Variants in SH3D21 observed in about 807,000 individuals in gnomAD.
SH3D21 encodes manchette microtubule inner protein 1.
A neutral mutation model predicts 82.1 loss-of-function variants in SH3D21; 83 were observed. The ratio of observed to expected loss-of-function variants is 1.01; its 90% confidence interval spans 0.85 to 1.21. SH3D21 has a LOEUF of 1.21. Among genes scored for constraint, SH3D21 ranks in the 50% most tolerant of loss-of-function variants. The pLI, the probability that SH3D21 is intolerant of heterozygous loss-of-function variation, is 0.00. For missense variants in SH3D21, 980 were observed against 962.1 expected, an observed-to-expected ratio of 1.02 and a Z score of -0.25; for synonymous variants, 383 against 387.8, an observed-to-expected ratio of 0.99 and a Z score of 0.15.
intron 10 of SH3D21, among the ~76,000 whole-genome samples, chr1:36,315,695 G>A (rs1307385224): frequency 6.6e-6 from 1 of 152,064 alleles, no homozygotes; most frequent in Non-Finnish European, 1.5e-5. Context: ...GTGAAGAGAG[G>A]ATTTGTCCAC....
downstream of SH3D21, chr1:36,321,939 A>C: frequency 9.0e-7 from 1 of 1,114,114 alleles, no homozygotes; most frequent in Admixed American, 4.7e-5. This position sits in a 1 kb window ranked among gnomAD's most constrained non-coding sequence, Gnocchi z 6.1. Context: ...AGCTAGGGTA[A>C]GGGAGTCAAG....
intron 9 of SH3D21, 84 bp from the exon 10 acceptor site, chr1:36,309,464 G>C: frequency 6.7e-7 from 1 of 1,484,588 alleles, no homozygotes; most frequent in Non-Finnish European, 9.2e-7. Context: ...GGGATTATAG[G>C]TGTGAGCCAC....
downstream of SH3D21, chr1:36,323,644 A>G (rs1224707488): frequency 2.0e-5 from 3 of 151,548 alleles, no homozygotes; most frequent in Non-Finnish European, 4.4e-5. Flanking sequence ...CCGAGGAAAG[A>G]GGAGGGACGG....
At chr1:36,315,702 C>T (rs1225383650) in intron 10 of SH3D21, among the ~76,000 whole-genome samples, 1 of 152,110 alleles carries the variant, frequency 6.6e-6, no homozygotes, top group African/African-American at 2.4e-5. Context: ...GAGGATTTGT[C>T]CACCACCTCA....
At chr1:36,313,028 T>C (rs542780081) in intron 10 of SH3D21, among the ~76,000 whole-genome samples, 4 of 151,974 alleles carry the variant, frequency 2.6e-5, no homozygotes, top group East Asian at 1.9e-4. Flanking sequence ...GTGGATCTTA[T>C]ATAAGATGGG....
At chr1:36,318,443 T>G (rs1408978125) in intron 10 of SH3D21, among the ~76,000 whole-genome samples, 2 of 152,066 alleles carry the variant, frequency 1.3e-5, no homozygotes, top group Non-Finnish European at 2.9e-5. Context: ...CTGGGTGAGA[T>G]CTCTTAGAGA....
chr1:36,311,239 GT>G (rs1646234357), intron 10 of SH3D21, among the ~76,000 whole-genome samples: 1 of 150,110 alleles, frequency 6.7e-6, no homozygotes, highest in Non-Finnish European at 1.5e-5. Flanking sequence ...GTTATTGTTT[GT>G]TTGTTTGTTT....
chr1:36,320,553 GAAAGAGGAATTGCCCCCT>G lies in SH3D21; in HGVS notation c.1900_1917del (p.Leu634_Glu639del). Reference sequence around the variant, plus strand: ...TGGCTTCCAAAGAGGAGGTGACCCTGAAAGAGGAATTGCCCCCTAAAGAGGAAGTGGCTCCAAAAGAGG... The same window carrying G: ...TGGCTTCCAAAGAGGAGGTGACCCTGAAAGAGGAAGTGGCTCCAAAAGAGG... On this transcript the variant is annotated inframe_deletion, in exon 14 of 16. Coordinates refer to ENST00000453908, the MANE Select transcript of SH3D21 (RefSeq NM_001162530.2). 2 of 1,614,122 alleles carry G rather than the reference GAAAGAGGAATTGCCCCCT, an allele frequency of 1.2e-6. No individual in the cohort carries two copies. Among genetic ancestry groups the G allele is most frequent in the Non-Finnish European group, 1.7e-6 (2 of 1,180,014 alleles).
In SH3D21 at chr1:36,321,092, C is replaced by T; in HGVS notation, c.2236C>T (p.Pro746Ser). 1 of 1,612,360 alleles carries T rather than the reference C, an allele frequency of 6.2e-7. No individual in the cohort carries two copies. Among genetic ancestry groups the T allele is most frequent in the African/African-American group, 1.3e-5 (1 of 75,044 alleles). The change falls in exon 16 of 16, where the codon CCG (proline) becomes TCG (serine). Residue 746 changes from proline (P) to serine (S), a missense_variant. By Grantham distance (74) the Pro-to-Ser change is moderately conservative (BLOSUM62 -1). Coordinates refer to ENST00000453908, the MANE Select transcript of SH3D21 (RefSeq NM_001162530.2). This position sits in a 1 kb window ranked among gnomAD's most constrained non-coding sequence, Gnocchi z 6.1. ...VMQGTQKSQTPRVIHTQTQTY is the reference protein window; with the variant it reads ...VMQGTQKSQTSRVIHTQTQTY ...GCAGGGGACCCAGAAGTCCCAGACCCCGCGCGTCATCCACACGCAGACGCA... is the reference window on the plus strand; with the variant it reads ...GCAGGGGACCCAGAAGTCCCAGACCTCGCGCGTCATCCACACGCAGACGCA...
At chr1:36,326,234 C>CTT (rs369308991), downstream of SH3D21, among the ~76,000 whole-genome samples, 927 of 144,360 alleles carry the variant, frequency 6.4e-3, 12 homozygotes, top group African/African-American at 0.022. Flanking sequence ...TTCTTTCTTT[C>CTT]TTTTTTTTTT....
intron 10 of SH3D21, 28 bp downstream of exon 10, chr1:36,309,618 G>C (rs944956083): frequency 6.4e-7 from 1 of 1,551,140 alleles, no homozygotes; most frequent in African/African-American, 1.4e-5. Flanking sequence ...CTGGGATTGG[G>C]GGGTGTTCTC....
downstream of SH3D21, chr1:36,321,848 T>TG: frequency 9.8e-7 from 1 of 1,021,316 alleles, no homozygotes; most frequent in Non-Finnish European, 1.2e-6. The surrounding 1 kb of genome is among the most constrained non-coding windows in gnomAD (Gnocchi z 6.1). Flanking sequence ...TGCAGGCCTG[T>TG]GGGCTTCTGC....
At chr1:36,325,428 A>G (rs1281002911), downstream of SH3D21, among the ~76,000 whole-genome samples, 1 of 152,260 alleles carries the variant, frequency 6.6e-6, no homozygotes, top group Non-Finnish European at 1.5e-5. Flanking sequence ...GTTAAATGCA[A>G]ATACTGAACC....
At position 36,308,492 on chromosome 1, in the gene SH3D21, G is replaced by A. The variant is rs1030116455; in HGVS notation, c.726+17G>A. 1.3e-6 allele frequency: 2 copies of A among 1,549,984 alleles called. No individual in the cohort carries two copies. Among genetic ancestry groups the A allele is most frequent in the East Asian group, 4.9e-5 (2 of 40,912 alleles). On this transcript the variant is annotated intron_variant, in intron 9 of 15. Transcript: ENST00000453908. ...CCACCCCCAGTGAGTACAGAGCCAAGACACTCAGGTGGCAGGGGCAGGCTA... is the reference window on the plus strand; with the variant it reads ...CCACCCCCAGTGAGTACAGAGCCAAAACACTCAGGTGGCAGGGGCAGGCTA...
downstream of SH3D21, chr1:36,321,472 C>T (rs1646461990): frequency 2.0e-5 from 19 of 967,262 alleles, no homozygotes; most frequent in Non-Finnish European, 2.5e-5. The surrounding 1 kb of genome is among the most constrained non-coding windows in gnomAD (Gnocchi z 6.1). Flanking sequence ...GGGTCGGGCT[C>T]TTGACGCCCG....
At chr1:36,319,588 C>T in intron 13 of SH3D21, 52 bp downstream of exon 13, 1 of 1,551,344 alleles carries the variant, frequency 6.4e-7, no homozygotes, top group Non-Finnish European at 8.7e-7. Context: ...AGGCTGGTTC[C>T]CAGCTGTGGT....
intron 10 of SH3D21, among the ~76,000 whole-genome samples, chr1:36,311,390 G>A (rs1646238224): frequency 6.6e-6 from 1 of 152,062 alleles, no homozygotes; most frequent in Non-Finnish European, 1.5e-5. Context: ...ACAGGCGCCT[G>A]CCATCACGCC....
At chr1:36,322,732 G>T (rs1242197199), downstream of SH3D21, 1 of 1,545,960 alleles carries the variant, frequency 6.5e-7, no homozygotes, top group Admixed American at 2.0e-5. Context: ...TTGGCTGCGG[G>T]GCACAGGGCG....
In SH3D21 at chr1:36,320,060, A is replaced by G; in HGVS notation, c.1397A>G (p.Lys466Arg). Residue 466 changes from lysine to arginine, a missense_variant, in exon 14 of 16, where the codon AAA becomes AGA. Coordinates refer to ENST00000453908, the MANE Select transcript of SH3D21 (RefSeq NM_001162530.2). Reference protein sequence around the residue: ...SPALEAPPMDKVPNPKMAPLG... With the variant: ...SPALEAPPMDRVPNPKMAPLG... ...GCCCTAGAAGCCCCACCTATGGATA[A>G]AGTCCCTAATCCAAAGATGGCCCCT... The G allele has an allele frequency of 6.2e-7, 1 of 1,613,930 alleles. No homozygotes were observed. Among genetic ancestry groups the G allele is most frequent in the Non-Finnish European group, 8.5e-7 (1 of 1,179,988 alleles).
Sources: gnomAD v4.1 joint callset for allele counts (sites outside exome capture counted in the v4.1 genomes callset) on GRCh38, gnomAD v4.1.1 for gene constraint, Gnocchi (gnomAD v3.1) non-coding constraint, MANE v1.5 for transcripts, NCBI Gene and HGNC (gene_info 2026-07-23, HGNC 2026-07-21) for gene names.